UNC13B: variants seen among roughly 807,000 people sequenced by gnomAD.
UNC13B encodes unc-13 homolog B.
Under a neutral mutation model 211.0 loss-of-function variants are expected in UNC13B, and 144 were observed. That is an observed-to-expected ratio of 0.68 (90% confidence interval 0.60 to 0.78). The LOEUF (loss-of-function observed/expected upper bound fraction) is 0.78, where lower values mean the gene tolerates loss of function less well. Among genes scored for constraint, UNC13B ranks in the 30% least tolerant of loss-of-function variants. The pLI, the probability that UNC13B is intolerant of heterozygous loss-of-function variation, is 0.00. For missense variants in UNC13B, 1,777 were observed against 2,002.0 expected, an observed-to-expected ratio of 0.89 and a Z score of 2.14; for synonymous variants, 709 against 725.8, an observed-to-expected ratio of 0.98 and a Z score of 0.37.
At chr9:35,196,986 G>C (rs1195770265) in intron 1 of UNC13B, among the ~76,000 whole-genome samples, 1 of 151,964 alleles carries the variant, frequency 6.6e-6, no homozygotes, top group African/African-American at 2.4e-5. Flanking sequence ...GCCCAGGCTG[G>C]TCTTGAGCTC....
intron 1 of UNC13B, among the ~76,000 whole-genome samples, chr9:35,197,486 G>T (rs1823010227): frequency 6.6e-6 from 1 of 152,156 alleles, no homozygotes; most frequent in Admixed American, 6.5e-5. Context: ...GGGATTACAG[G>T]CCAGAGCCAC....
At chr9:35,374,847 G>A (rs1040802134) in intron 13 of UNC13B, among the ~76,000 whole-genome samples, 1 of 152,106 alleles carries the variant, frequency 6.6e-6, no homozygotes, top group Non-Finnish European at 1.5e-5. Flanking sequence ...TGTGGGGTAG[G>A]ACACTAAGAA....
chr9:35,401,907 G>A (rs145642556), intron 37 of UNC13B: 1 of 1,534,278 alleles, frequency 6.5e-7, no homozygotes, highest in Non-Finnish European at 8.8e-7. Context: ...TTCTTTCTCT[G>A]TTCTGCTGCT....
chr9:35,400,821 T>C (rs559334417), intron 37 of UNC13B, among the ~76,000 whole-genome samples: 54 of 152,304 alleles, frequency 3.5e-4, no homozygotes, highest in African/African-American at 1.2e-3. Context: ...GGAGCTTTGC[T>C]GGGAGTTGTT....
chr9:35,255,774 T>C (rs894087593), intron 6 of UNC13B, among the ~76,000 whole-genome samples: 1 of 152,028 alleles, frequency 6.6e-6, no homozygotes, highest in Non-Finnish European at 1.5e-5. Context: ...TTTGGGGAGG[T>C]TCAGACTCTT....
At chr9:35,260,005 C>T (rs1015425820) in intron 7 of UNC13B, among the ~76,000 whole-genome samples, 2 of 109,576 alleles carry the variant, frequency 1.8e-5, no homozygotes, top group Admixed American at 1.4e-4. Flanking sequence ...AGTCTGAGAC[C>T]AGTTTGGGCA....
Position 35,382,338 on chromosome 9 carries a change from C to A in UNC13B, c.10656-19C>A, listed in dbSNP as rs375027463. On this transcript the variant is annotated intron_variant, in intron 20 of 39. Coordinates refer to ENST00000635942, the MANE Select transcript of UNC13B (RefSeq NM_001371189.2). ...AAGCCCTGAAGAGTCTTTGAGGCTG[C>A]GGGTGCTGTGTTTTTCAGGCACTTT... 1 of 1,605,458 alleles carries A rather than the reference C, an allele frequency of 6.2e-7. No homozygotes were observed.
intron 11 of UNC13B, among the ~76,000 whole-genome samples, chr9:35,347,366 G>A (rs922773527): frequency 1.2e-4 from 19 of 152,160 alleles, no homozygotes; most frequent in African/African-American, 3.6e-4. Flanking sequence ...AGATCAAATG[G>A]TCCTTCTTAC....
rs750447364 is a variant in UNC13B at position 35,399,167 on chromosome 9, C to G, written c.12081C>G (p.Thr4027=). 1 of 1,614,112 alleles carries G rather than the reference C, an allele frequency of 6.2e-7. No homozygotes were observed. The highest frequency in any genetic ancestry group is 1.1e-5 in the South Asian group (1 of 91,072). Residue 4027 remains threonine (T), a synonymous_variant, in exon 34 of 40, where the codon ACC becomes ACG. Coordinates refer to ENST00000635942, the MANE Select transcript of UNC13B (RefSeq NM_001371189.2). The part of the protein sequence containing the change: ...PLMDFLDGNL[T]LFATVCEKTV... ...CTGTTGCCTGGACTTGCAGCCTCACCCTCTTTGCCACTGTGTGTGAGAAGA... is the reference window on the plus strand; with the variant it reads ...CTGTTGCCTGGACTTGCAGCCTCACGCTCTTTGCCACTGTGTGTGAGAAGA...
intron 26 of UNC13B, among the ~76,000 whole-genome samples, chr9:35,391,065 G>C (rs986630129): frequency 6.6e-6 from 1 of 152,176 alleles, no homozygotes; most frequent in Non-Finnish European, 1.5e-5. Flanking sequence ...TAAAGAATCA[G>C]AGAACCTTAA....
intron 13 of UNC13B, among the ~76,000 whole-genome samples, chr9:35,374,305 A>G (rs1834247114): frequency 9.0e-6 from 1 of 111,168 alleles, no homozygotes; most frequent in Admixed American, 9.1e-5. Context: ...GTGGCTAGCA[A>G]GGCAGCCCCA....
rs761105470 is a variant in UNC13B, at chr9:35,310,543, T to C, written c.9085T>C (p.Tyr3029His). ...GSSQLSELDQ[Y>H]HEQDDDHRET... ...CTCTCAGCTAAGTGAACTAGACCAG[T>C]ATCACGAACAAGATGACGACCATCG... Residue 3029 changes from tyrosine to histidine, a missense_variant, in exon 10 of 40, where the codon TAT (tyrosine) becomes CAT (histidine). Transcript: ENST00000635942. 3.1e-6 allele frequency: 5 copies of C among 1,613,914 alleles called. No homozygotes were observed. The highest frequency in any genetic ancestry group is 4.2e-6 in the Non-Finnish European group (5 of 1,180,004).
At chr9:35,179,349 A>G (rs2131292460) in intron 1 of UNC13B, among the ~76,000 whole-genome samples, 1 of 152,262 alleles carries the variant, frequency 6.6e-6, no homozygotes, top group African/African-American at 2.4e-5. Flanking sequence ...TAATATTTTC[A>G]TAAAAAATAA....
chr9:35,359,083 T>G (rs906823515), intron 11 of UNC13B, among the ~76,000 whole-genome samples: 4 of 152,138 alleles, frequency 2.6e-5, no homozygotes, highest in Non-Finnish European at 4.4e-5. Flanking sequence ...TGTCCCAGAA[T>G]GATTTGTTGA....
At chr9:35,230,750 A>G (rs1825153905) in intron 2 of UNC13B, among the ~76,000 whole-genome samples, 1 of 152,242 alleles carries the variant, frequency 6.6e-6, no homozygotes, top group Admixed American at 6.5e-5. Flanking sequence ...TATAATTAAC[A>G]TAGTAGGTTA....
intron 11 of UNC13B, among the ~76,000 whole-genome samples, chr9:35,362,411 G>A (rs983579056): frequency 2.6e-5 from 4 of 152,184 alleles, no homozygotes; most frequent in African/African-American, 9.7e-5. Flanking sequence ...TGATAAAGTA[G>A]GTATCTGAAG....
At chr9:35,234,009 C>T (rs1825353945) in intron 3 of UNC13B, among the ~76,000 whole-genome samples, 1 of 152,162 alleles carries the variant, frequency 6.6e-6, no homozygotes, top group African/African-American at 2.4e-5. Flanking sequence ...TTTATCTGTT[C>T]AAGTCAAGCT....
chr9:35,387,902 T>G (rs1835287284), intron 24 of UNC13B, among the ~76,000 whole-genome samples: 1 of 152,050 alleles, frequency 6.6e-6, no homozygotes, highest in South Asian at 2.1e-4. Flanking sequence ...GTTGTAGTTT[T>G]CTGATACATC....
chr9:35,163,200 A>T (rs1047625005), intron 1 of UNC13B, among the ~76,000 whole-genome samples: 2 of 152,240 alleles, frequency 1.3e-5, no homozygotes, highest in Non-Finnish European at 2.9e-5. Context: ...TTCAGGTTAC[A>T]GCCTATCATA....
Sources: gnomAD v4.1 joint callset for allele counts (sites outside exome capture counted in the v4.1 genomes callset) on GRCh38, gnomAD v4.1.1 for gene constraint, MANE v1.5 for transcripts, NCBI Gene and HGNC (gene_info 2026-07-23, HGNC 2026-07-21) for gene names.